PDE1C: variants seen among roughly 807,000 people sequenced by gnomAD.
PDE1C encodes the protein dual specificity calcium/calmodulin-dependent 3',5'-cyclic nucleotide phosphodiesterase 1C.
In PDE1C, 62 loss-of-function variants were observed where a neutral mutation model predicts 93.1. The ratio of observed to expected loss-of-function variants is 0.67; its 90% confidence interval spans 0.54 to 0.82. The LOEUF is 0.82. Ranked by LOEUF, PDE1C falls within the 40% of genes least tolerant of loss-of-function variation. PDE1C has a pLI of 0.00. For missense variants in PDE1C, 742 were observed against 884.6 expected, an observed-to-expected ratio of 0.84 and a Z score of 2.04; for synonymous variants, 325 against 310.1, an observed-to-expected ratio of 1.05 and a Z score of -0.50.
chr7:32,421,896 C>A (rs962904545), intron 1 of PDE1C, among the ~76,000 whole-genome samples: 2 of 152,088 alleles, frequency 1.3e-5, no homozygotes, highest in African/African-American at 4.8e-5. Flanking sequence ...GCAAATGTAC[C>A]ACTGATGGCT....
chr7:32,286,852 G>A (rs951860275), intron 1 of PDE1C, among the ~76,000 whole-genome samples: 1 of 152,154 alleles, frequency 6.6e-6, no homozygotes, highest in African/African-American at 2.4e-5. Context: ...AATGAATATG[G>A]ATCGTTTTTA....
chr7:32,408,516 C>T (rs868098988), intron 1 of PDE1C, among the ~76,000 whole-genome samples: 5 of 152,196 alleles, frequency 3.3e-5, no homozygotes, highest in African/African-American at 9.7e-5. Flanking sequence ...GGGCCGGGCA[C>T]GGTGTCTCAT....
At chr7:31,790,108 G>C in intron 16 of PDE1C, 1 of 1,535,810 alleles carries the variant, frequency 6.5e-7, no homozygotes, top group Non-Finnish European at 8.7e-7. Context: ...GTCAGGGGGT[G>C]GGGGGCTTGT....
intron 2 of PDE1C, among the ~76,000 whole-genome samples, chr7:32,021,517 A>T (rs530391797): frequency 6.6e-6 from 1 of 152,262 alleles, no homozygotes; most frequent in African/African-American, 2.4e-5. Context: ...TCATAGAACA[A>T]TTTACAAAAT....
chr7:31,632,591 C>G, the PDE1C span, among the ~76,000 whole-genome samples: 1 of 152,184 alleles, frequency 6.6e-6, no homozygotes, highest in Non-Finnish European at 1.5e-5. Context: ...AAAATAGAGA[C>G]TGATATCAGT....
chr7:31,764,377 C>T lies in PDE1C; in HGVS notation c.1961-10824G>A, dbSNP rs376179417. ...GCCAGGATGGTCTCAAACTCCTGAC[C>T]GCGGTGATCCAAACACCTCAGCCTC... is the stretch of plus-strand genomic sequence containing the variant. On this transcript the variant is annotated intron_variant, in intron 17 of 17. Coordinates refer to ENST00000396191, the MANE Select transcript of PDE1C (RefSeq NM_001191057.4). 2.6e-5 allele frequency among the ~76,000 whole-genome samples: 4 copies of T among 152,078 alleles called. No individual in the cohort carries two copies. The East Asian group carries it at 5.8e-4, about 22-fold the overall frequency.
In PDE1C at chr7:31,890,742, A is replaced by G. The variant is rs146864422; in HGVS notation, c.129-9882T>C. Among the ~76,000 whole-genome samples, 207 of 152,324 alleles carry G rather than the reference A, an allele frequency of 1.4e-3. 2 individuals are homozygous for G. Among genetic ancestry groups the G allele is most frequent in the African/African-American group, 4.8e-3 (199 of 41,562 alleles). ...TAAATAAATTAATTCATAGATTAAA[A>G]ACCTTCAAATAATGGCTAACAAGAT... On this transcript the variant is annotated intron_variant, in intron 2 of 17. Transcript: ENST00000396191.
the PDE1C span, among the ~76,000 whole-genome samples, chr7:31,691,532 T>C: frequency 6.6e-6 from 1 of 152,096 alleles, no homozygotes; most frequent in African/African-American, 2.4e-5. Flanking sequence ...GCATTTCTCC[T>C]TCAGACCTGA....
the PDE1C span, among the ~76,000 whole-genome samples, chr7:31,645,007 A>C: frequency 6.6e-6 from 1 of 152,190 alleles, no homozygotes; most frequent in Non-Finnish European, 1.5e-5. Context: ...TCCATTCCAT[A>C]AATATTTGTT....
upstream of PDE1C, among the ~76,000 whole-genome samples, chr7:32,075,403 C>T (rs1413065972): frequency 6.6e-6 from 1 of 152,098 alleles, no homozygotes; most frequent in African/African-American, 2.4e-5. Context: ...CTCCTCCCCG[C>T]CCACACCAGA....
chr7:31,669,891 C>G, the PDE1C span, among the ~76,000 whole-genome samples: 3 of 152,128 alleles, frequency 2.0e-5, no homozygotes, highest in Non-Finnish European at 4.4e-5. Flanking sequence ...TTTCTCTAAC[C>G]CCTACCCTTT....
rs574864413 is a variant in PDE1C, at chr7:32,288,557, C to G, written c.85+10094G>C. 3.3e-5 allele frequency among the ~76,000 whole-genome samples: 5 copies of G among 152,254 alleles called. No homozygotes were observed. In the East Asian group the frequency reaches 9.7e-4, roughly 29 times the overall value. Reference sequence around the variant, plus strand: ...AAAACTGGGTTTCTGTGGGGCCCAGCAGATGGTTGGGATCTAGTCTGGCTC... The same window carrying G: ...AAAACTGGGTTTCTGTGGGGCCCAGGAGATGGTTGGGATCTAGTCTGGCTC... On this transcript the variant is annotated intron_variant, in intron 1 of 18. Transcript: ENST00000396193.
chr7:32,014,732 C>G (rs1584459559), intron 2 of PDE1C, among the ~76,000 whole-genome samples: 1 of 152,134 alleles, frequency 6.6e-6, no homozygotes, highest in South Asian at 2.1e-4. Context: ...GTTCCTGTGT[C>G]AGTTGGCTGA....
upstream of PDE1C, chr7:32,070,442 G>T: frequency 1.2e-6 from 2 of 1,604,222 alleles, no homozygotes; most frequent in Non-Finnish European, 1.7e-6. Context: ...AGTTTGGGCT[G>T]TCCCCTCCCC....
At chr7:31,895,569 GTTTCTCTCT>G (rs1429814063) in intron 2 of PDE1C, among the ~76,000 whole-genome samples, 3 of 117,926 alleles carry the variant, frequency 2.5e-5, no homozygotes, top group African/African-American at 1.0e-4. Flanking sequence ...ATTATTATTA[GTTTCTCTCT>G]TTTCTCTCTC....
chr7:31,716,123 G>A, the PDE1C span, among the ~76,000 whole-genome samples: 2 of 152,182 alleles, frequency 1.3e-5, no homozygotes, highest in African/African-American at 4.8e-5. Context: ...TGATTAAGGT[G>A]AGGCAAGTGA....
intron 1 of PDE1C, among the ~76,000 whole-genome samples, chr7:32,389,746 T>C (rs1784717228): frequency 6.6e-6 from 1 of 152,204 alleles, no homozygotes; most frequent in African/African-American, 2.4e-5. Flanking sequence ...TGACGACTTA[T>C]CAGGCATTTA....
intron 1 of PDE1C, among the ~76,000 whole-genome samples, chr7:32,294,508 AT>A (rs1488882560): frequency 6.6e-6 from 1 of 152,180 alleles, no homozygotes; most frequent in Non-Finnish European, 1.5e-5. Context: ...CCATTTTCTC[AT>A]CTGTAAAATG....
the PDE1C span, among the ~76,000 whole-genome samples, chr7:31,650,933 A>G: frequency 1.3e-5 from 2 of 151,972 alleles, no homozygotes; most frequent in Non-Finnish European, 2.9e-5. Context: ...CCACCCAACA[A>G]CAGCTGCCCT....
Sources: gnomAD v4.1 joint callset for allele counts (sites outside exome capture counted in the v4.1 genomes callset) on GRCh38, gnomAD v4.1.1 for gene constraint, MANE v1.5 for transcripts, NCBI Gene and HGNC (gene_info 2026-07-23, HGNC 2026-07-21) for gene names.